The following RBFOX1 variants were observed in gnomAD, a reference collection of about 807,000 sequenced individuals.
The protein encoded by RBFOX1 is RNA binding protein fox-1 homolog 1.
In RBFOX1, 8 loss-of-function variants were observed where a neutral mutation model predicts 57.7. That is an observed-to-expected ratio of 0.14 (90% confidence interval 0.08 to 0.25). RBFOX1 has a LOEUF of 0.25. Ranked by LOEUF, RBFOX1 falls within the 10% of genes least tolerant of loss-of-function variation. The pLI is 1.00. For synonymous variants in RBFOX1, 326 were observed against 222.4 expected (o/e 1.47, Z -4.15); for missense variants, 611 against 548.5 (o/e 1.11, Z -1.14).
At chr16:6,065,810 A>C (rs2095754074) in intron 1 of RBFOX1, among the ~76,000 whole-genome samples, 1 of 152,132 alleles carries the variant, frequency 6.6e-6, no homozygotes, top group Non-Finnish European at 1.5e-5. Flanking sequence ...AGATGAGAAA[A>C]CAGAGGCTCA....
chr16:7,669,788 T>G (rs2070761640), intron 13 of RBFOX1, among the ~76,000 whole-genome samples: 1 of 152,196 alleles, frequency 6.6e-6, no homozygotes, highest in Non-Finnish European at 1.5e-5. Flanking sequence ...TAGGAATTCT[T>G]TAAATAAAAA....
At chr16:7,056,152 G>A (rs557569224) in intron 4 of RBFOX1, among the ~76,000 whole-genome samples, 217 of 152,178 alleles carry the variant, frequency 1.4e-3, no homozygotes, top group Non-Finnish European at 2.1e-3. Flanking sequence ...GCCCACAGAT[G>A]CTGTCCATGA....
chr16:6,308,971 A>G (rs949753864), intron 1 of RBFOX1, among the ~76,000 whole-genome samples: 1 of 152,116 alleles, frequency 6.6e-6, no homozygotes, highest in East Asian at 1.9e-4. Context: ...CTGCTTCTAC[A>G]AGAATACCTT....
At position 5,345,316 on chromosome 16, in the gene RBFOX1, C is replaced by G. The variant is rs115176575; in HGVS notation, c.219+105211C>G. Among the ~76,000 whole-genome samples, 543 of 152,334 alleles carry G rather than the reference C, an allele frequency of 3.6e-3. 2 individuals are homozygous for G. The highest frequency in any genetic ancestry group is 0.013 in the African/African-American group (523 of 41,580). ...GGCCCCTTGGGAAACAGGTGCCATGCCCTTACCCTTTTCCCCTTTTCCCTT... is the reference window on the plus strand; with the variant it reads ...GGCCCCTTGGGAAACAGGTGCCATGGCCTTACCCTTTTCCCCTTTTCCCTT... On this transcript the variant is annotated intron_variant, in intron 1 of 2. Transcript: ENST00000585867.
At chr16:5,362,030 G>A (rs1474544105) in intron 1 of RBFOX1, among the ~76,000 whole-genome samples, 1 of 152,178 alleles carries the variant, frequency 6.6e-6, no homozygotes, top group Admixed American at 6.5e-5. Flanking sequence ...CAACTGCATT[G>A]CATAAGTTAT....
At chr16:6,649,248 C>T (rs76344767) in intron 2 of RBFOX1, among the ~76,000 whole-genome samples, 6,829 of 152,244 alleles carry the variant, frequency 0.045, 431 homozygotes, top group Admixed American at 0.15. Context: ...CCAGGTTCAT[C>T]CATGTCATCA....
chr16:6,144,510 G>A (rs149225523), intron 1 of RBFOX1, among the ~76,000 whole-genome samples: 4 of 152,336 alleles, frequency 2.6e-5, no homozygotes, highest in Non-Finnish European at 5.9e-5. Flanking sequence ...GATCGGAATA[G>A]CATTGAAGAA....
At chr16:5,296,703 G>A (rs1334721509) in intron 1 of RBFOX1, among the ~76,000 whole-genome samples, 1 of 149,872 alleles carries the variant, frequency 6.7e-6, no homozygotes, top group African/African-American at 2.5e-5. Flanking sequence ...TTTTGAGATG[G>A]AGTGTCGCTC....
chr16:7,273,223 T>TTCCC (rs1289390334), intron 4 of RBFOX1, among the ~76,000 whole-genome samples: 1 of 128,300 alleles, frequency 7.8e-6, no homozygotes, highest in Non-Finnish European at 1.7e-5. Context: ...CCTTCCTTCC[T>TTCCC]TCCTTCCTTC....
intron 4 of RBFOX1, among the ~76,000 whole-genome samples, chr16:7,067,069 C>T (rs1472778108): frequency 1.3e-5 from 2 of 152,134 alleles, no homozygotes; most frequent in Admixed American, 1.3e-4. Context: ...GCTGAAGGGA[C>T]ACACACAGAA....
chr16:5,730,073 G>T (rs538112359), intron 3 of RBFOX1, among the ~76,000 whole-genome samples: 4 of 152,304 alleles, frequency 2.6e-5, no homozygotes, highest in Admixed American at 2.6e-4. Context: ...CATCTGATCA[G>T]AGGACCCAAA....
intron 1 of RBFOX1, among the ~76,000 whole-genome samples, chr16:5,338,079 T>C (rs1596565072): frequency 6.6e-6 from 1 of 152,148 alleles, no homozygotes; most frequent in East Asian, 1.9e-4. Context: ...AGCTTTCTTC[T>C]AGGGATAGAG....
At chr16:6,994,981 T>C (rs2092041415) in intron 3 of RBFOX1, among the ~76,000 whole-genome samples, 1 of 130,048 alleles carries the variant, frequency 7.7e-6, no homozygotes, top group South Asian at 2.8e-4. Context: ...GTGTTGGTCA[T>C]TGTATTTAAA....
At chr16:6,503,866 C>G (rs536740910) in intron 2 of RBFOX1, among the ~76,000 whole-genome samples, 152 of 152,228 alleles carry the variant, frequency 1.0e-3, no homozygotes, top group African/African-American at 3.4e-3. Flanking sequence ...CTACCCAGGC[C>G]TCTTTAAGGC....
chr16:6,981,502 C>G (rs1042287613), intron 3 of RBFOX1, among the ~76,000 whole-genome samples: 7 of 152,234 alleles, frequency 4.6e-5, no homozygotes, highest in African/African-American at 7.2e-5. Flanking sequence ...TTAGTCTGTT[C>G]TCATGCTGCT....
At chr16:7,320,536 T>C (rs2096527862) in intron 4 of RBFOX1, among the ~76,000 whole-genome samples, 1 of 152,256 alleles carries the variant, frequency 6.6e-6, no homozygotes, top group African/African-American at 2.4e-5. Context: ...CTGTATGCAC[T>C]AATCTTACAA....
chr16:7,279,089 C>CTTT (rs200732239), intron 4 of RBFOX1, among the ~76,000 whole-genome samples: 1 of 136,508 alleles, frequency 7.3e-6, no homozygotes, highest in African/African-American at 2.7e-5. Flanking sequence ...TCTGGAGACT[C>CTTT]TTTTTTTTTT....
chr16:6,760,425 G>T (rs944224399), intron 3 of RBFOX1, among the ~76,000 whole-genome samples: 5 of 152,148 alleles, frequency 3.3e-5, no homozygotes, highest in Admixed American at 2.0e-4. Context: ...TACAAGAAGT[G>T]ATACTTTAAT....
chr16:7,511,322 C>G (rs1392495464), intron 4 of RBFOX1, among the ~76,000 whole-genome samples: 1 of 152,172 alleles, frequency 6.6e-6, no homozygotes, highest in Non-Finnish European at 1.5e-5. Context: ...TTAAACCACT[C>G]AGGGCAACGA....
Sources: gnomAD v4.1 joint callset for allele counts (sites outside exome capture counted in the v4.1 genomes callset) on GRCh38, gnomAD v4.1.1 for gene constraint, MANE v1.5 for transcripts, NCBI Gene and HGNC (gene_info 2026-07-23, HGNC 2026-07-21) for gene names.